The following SYMPK variants were observed in gnomAD, a reference collection of about 807,000 sequenced individuals.
SYMPK encodes symplekin scaffold protein.
SYMPK carries 49 observed loss-of-function variants against 136.4 expected under a neutral mutation model. That is an observed-to-expected ratio of 0.36 (90% CI 0.29 to 0.46). The LOEUF (loss-of-function observed/expected upper bound fraction) is 0.46, where lower values mean the gene tolerates loss of function less well. Among genes scored for constraint, SYMPK ranks in the 20% least tolerant of loss-of-function variants. SYMPK has a pLI of 1.00. For synonymous variants in SYMPK, 766 were observed against 713.0 expected (o/e 1.07, Z -1.19); for missense variants, 1,365 against 1,690.0 (o/e 0.81, Z 3.37).
In SYMPK at chr19:45,831,426, G is replaced by A; in HGVS notation, c.1556C>T (p.Ala519Val). 1 of 1,600,874 alleles carries A rather than the reference G, an allele frequency of 6.2e-7. No homozygotes were observed. The highest frequency in any genetic ancestry group is 8.5e-7 in the Non-Finnish European group (1 of 1,173,682). Residue 519 changes from alanine (A) to valine (V), a missense_variant, in exon 12 of 27, where the codon GCC (alanine) becomes GTC (valine). Transcript: ENST00000245934. ...MSPLEEEAPQ[A>V]KRRPEPIIPV... ...GATAATGGGCTCTGGCCTCCTCTTG[G>A]CCTGCGGTGCCTCTTCCTCCAGGGG...
chr19:45,816,174 C>G lies in SYMPK; in HGVS notation c.3364G>C (p.Glu1122Gln). The stretch of plus-strand genomic sequence containing the variant: ...GGGGCCGGGGCCAAGGTCAGGGGCT[C>G]CAGATCATCCTGGGGATAGGGAGGG... ...PAGPLEEDDL[E>Q]PLTLAPAPAP... The change falls in exon 26 of 27, where the codon GAG (glutamate) becomes CAG (glutamine). Residue 1122 changes from glutamate to glutamine, a missense_variant. Around this residue, in one of 11 missense-constraint regions of SYMPK, gnomAD observed 341 missense variants for 270.5 expected, o/e 1.26. Coordinates refer to ENST00000245934, the MANE Select transcript of SYMPK (RefSeq NM_004819.3). 2 of 1,536,604 alleles carry G rather than the reference C, an allele frequency of 1.3e-6. No homozygotes were observed. The highest frequency in any genetic ancestry group is 1.8e-6 in the Non-Finnish European group (2 of 1,138,952).
chr19:45,859,833 G>A (rs1022518234), intron 1 of SYMPK, among the ~76,000 whole-genome samples: 2 of 151,516 alleles, frequency 1.3e-5, no homozygotes, highest in Non-Finnish European at 2.9e-5. Context: ...CTTGAGGCCA[G>A]GAGTTTGAAA....
intron 11 of SYMPK, among the ~76,000 whole-genome samples, chr19:45,832,430 C>T (rs1266857437): frequency 6.6e-6 from 1 of 152,090 alleles, no homozygotes; most frequent in East Asian, 1.9e-4. Context: ...GTGTGAGCCA[C>T]CACACCCAGC....
chr19:45,822,390 T>C (rs1245531287), intron 21 of SYMPK, among the ~76,000 whole-genome samples: 3 of 152,160 alleles, frequency 2.0e-5, no homozygotes, highest in East Asian at 3.9e-4. Flanking sequence ...TTGTTTCTTT[T>C]TGACTGTGTC....
Position 45,863,097 on chromosome 19 carries a change from G to T in SYMPK, c.-52C>A. The T allele has an allele frequency of 2.5e-6, 1 of 403,382 alleles. No homozygotes were observed. Among genetic ancestry groups the T allele is most frequent in the Non-Finnish European group, 4.4e-6 (1 of 228,276 alleles). The allele number at this position is 403,382 out of a possible 1,614,324, so 25.0% of individuals were successfully genotyped here. ...CCGTTCCCCTCGCGCCCCCTCAGCA[G>T]TGCCTCTTCCTACACTCCGCCGCCG... On this transcript the variant is annotated 5_prime_UTR_variant, in exon 1 of 27. It adds an upstream start codon to the 5' untranslated region. Coordinates refer to ENST00000245934, the MANE Select transcript of SYMPK (RefSeq NM_004819.3).
At position 45,821,298 on chromosome 19, in the gene SYMPK, G is replaced by C; in HGVS notation, c.2893+86C>G. The C allele has an allele frequency of 9.9e-7, 1 of 1,008,554 alleles. No individual in the cohort carries two copies. The highest frequency in any genetic ancestry group is 1.6e-6 in the Non-Finnish European group (1 of 636,830). 62.5% of individuals were successfully genotyped at this position (1,008,554 alleles called of 1,614,324 possible). On this transcript the variant is annotated intron_variant, in intron 22 of 26. Coordinates refer to ENST00000245934, the MANE Select transcript of SYMPK (RefSeq NM_004819.3). The surrounding 1 kb of genome is among the most constrained non-coding windows in gnomAD (Gnocchi z 4.4). The stretch of plus-strand genomic sequence containing the variant: ...GTGAGTGACAGTCTTTGACTTGGCA[G>C]ATTCCAGTGGGGGCATGTGGGTGAC...
At chr19:45,852,773 A>T (rs1323234220) in intron 3 of SYMPK, among the ~76,000 whole-genome samples, 2 of 152,158 alleles carry the variant, frequency 1.3e-5, no homozygotes, top group Non-Finnish European at 2.9e-5. Context: ...GGATGTTAGG[A>T]GGCTACAATG....
At position 45,817,255 on chromosome 19, in the gene SYMPK, C is replaced by T. The variant is rs565460958; in HGVS notation, c.3082-281G>A. The T allele has an allele frequency of 5.6e-5, 24 of 431,754 alleles. 1 individual carries two copies. The East Asian group carries it at 1.2e-3, about 21-fold the overall frequency. 26.7% of individuals were successfully genotyped at this position (431,754 alleles called of 1,614,324 possible). A position where few individuals can be genotyped will look rare whatever the true frequency, so the allele number is the denominator to read the frequency against. On this transcript the variant is annotated intron_variant, in intron 23 of 26. Coordinates refer to ENST00000245934, the MANE Select transcript of SYMPK (RefSeq NM_004819.3). ...GCCCAGGCTAAGTGCTGCGGGAGCA[C>T]CTCTCATGACATTCTCACGGCAGCC...
intron 10 of SYMPK, among the ~76,000 whole-genome samples, chr19:45,836,171 G>C (rs960342778): frequency 1.1e-4 from 16 of 150,822 alleles, no homozygotes; most frequent in Admixed American, 9.9e-4. Context: ...AACCTCTGCC[G>C]CCTGGGTTCA....
intron 20 of SYMPK, 24 bp downstream of exon 20, chr19:45,823,348 A>G (rs1243343534): frequency 2.5e-6 from 4 of 1,611,126 alleles, no homozygotes; most frequent in Admixed American, 1.7e-5. Context: ...GGTAGCAGGG[A>G]CAAACAGGCC....
intron 3 of SYMPK, among the ~76,000 whole-genome samples, chr19:45,853,627 A>G (rs543225677): frequency 9.2e-5 from 14 of 151,918 alleles, no homozygotes; most frequent in Non-Finnish European, 2.1e-4. Flanking sequence ...AAAAAAAAAA[A>G]AAGAGATGCT....
rs375117453 is a variant in SYMPK at position 45,831,449 on chromosome 19, G to C, written c.1533C>G (p.Pro511=). Residue 511 remains proline (P), a synonymous_variant, in exon 12 of 27, where the codon CCC becomes CCG. Transcript: ENST00000245934. ...SVVGSLSSMS[P]LEEEAPQAKR... is the part of the protein sequence containing the mutation. ...TGGCCTGCGGTGCCTCTTCCTCCAG[G>C]GGGGACATGGAGCTCAGGGAACCCA... The C allele has an allele frequency of 6.8e-6, 11 of 1,608,252 alleles. No homozygotes were observed. Among genetic ancestry groups the C allele is most frequent in the East Asian group, 6.7e-5 (3 of 44,720 alleles).
At position 45,818,000 on chromosome 19, in the gene SYMPK, C is replaced by A; in HGVS notation, c.3040G>T (p.Gly1014Cys). The change falls in exon 23 of 27, where the codon GGC becomes TGC. Residue 1014 changes from glycine (G) to cysteine (C), a missense_variant. Physicochemically the swap from Gly to Cys is radical, Grantham distance 159 (BLOSUM62 -3). Around this residue, in one of 11 missense-constraint regions of SYMPK, gnomAD observed 156 missense variants for 217.8 expected, o/e 0.72. Coordinates refer to ENST00000245934, the MANE Select transcript of SYMPK (RefSeq NM_004819.3). ...CGGGACAGGATGTTCATGACGAAGC[C>A]CCCCAGGCGGGGGTACATGGTCAGG... ...QSLTMYPRLG[G>C]FVMNILSRLI... 2 of 1,581,724 alleles carry A rather than the reference C, an allele frequency of 1.3e-6. No individual in the cohort carries two copies. Among genetic ancestry groups the A allele is most frequent in the South Asian group, 1.2e-5 (1 of 86,798 alleles).
At chr19:45,822,212 G>A (rs981955703) in intron 21 of SYMPK, among the ~76,000 whole-genome samples, 9 of 146,114 alleles carry the variant, frequency 6.2e-5, no homozygotes, top group East Asian at 2.0e-4. Flanking sequence ...TCCGCCTCCC[G>A]GGTTCATGCC....
chr19:45,837,624 A>AG (rs1490740213), intron 10 of SYMPK, among the ~76,000 whole-genome samples: 2 of 151,250 alleles, frequency 1.3e-5, no homozygotes, highest in African/African-American at 4.9e-5. Context: ...CTCAAAAAAA[A>AG]AAAAAAAAAA....
Position 45,842,311 on chromosome 19 carries a change from G to A in SYMPK, c.1026C>T (p.Ser342=), listed in dbSNP as rs1483500982. The A allele has an allele frequency of 2.5e-6, 4 of 1,614,064 alleles. No individual in the cohort carries two copies. The East Asian group carries it at 8.9e-5, about 36-fold the overall frequency. ...QAEIARNMPS[S]KDTRKRPRDD... is the part of the protein sequence containing the mutation. ...CGCGGGGCCGCTTGCGGGTGTCCTT[G>A]CTGCTCGGCATGTTGCGGGCGATCT... Residue 342 remains serine, a synonymous_variant, in exon 9 of 27, where the codon AGC becomes AGT. Transcript: ENST00000245934.
At chr19:45,861,668 C>T (rs1377338085) in intron 1 of SYMPK, among the ~76,000 whole-genome samples, 1 of 151,174 alleles carries the variant, frequency 6.6e-6, no homozygotes, top group Non-Finnish European at 1.5e-5. Context: ...ACCTGGAAGG[C>T]AGAGGTTGCA....
chr19:45,815,429 TTTTTC>T lies in SYMPK; in HGVS notation c.*126_*130del. 9.4e-7 allele frequency: 1 copy of T among 1,068,552 alleles called. No individual in the cohort carries two copies. The highest frequency in any genetic ancestry group is 1.3e-6 in the Non-Finnish European group (1 of 774,726). The allele number at this position is 1,068,552 out of a possible 1,614,324, so 66.2% of individuals were successfully genotyped here. A position where few individuals can be genotyped will look rare whatever the true frequency, so the allele number is the denominator to read the frequency against. ...GCCCCAGGCCCGCCATCCCTTTTTT[TTTTTC>T]TTTTCAGTAACTTGCCCAAGTTCAC... On this transcript the variant is annotated 3_prime_UTR_variant, in exon 27 of 27. Coordinates refer to ENST00000245934, the MANE Select transcript of SYMPK (RefSeq NM_004819.3).
rs767879673 is a variant in SYMPK at position 45,829,150 on chromosome 19, G to A, written c.1805C>T (p.Ala602Val). The A allele has an allele frequency of 1.4e-5, 23 of 1,614,186 alleles. No homozygotes were observed. Among genetic ancestry groups the A allele is most frequent in the East Asian group, 2.2e-5 (1 of 44,880 alleles). Residue 602 changes from alanine (A) to valine (V), a missense_variant, in exon 14 of 27, where the codon GCG becomes GTG. Ala to Val is a moderately conservative substitution (Grantham distance 64, BLOSUM62 0). Coordinates refer to ENST00000245934, the MANE Select transcript of SYMPK (RefSeq NM_004819.3). ...CTCCAGGATGAAGGACAGGACCTCC[G>A]CCTTCAGGCCCGAGTTGAACTGTGT... is the stretch of plus-strand genomic sequence containing the variant. ...LVTQFNSGLKAEVLSFILEDV... is the reference protein window; with the variant it reads ...LVTQFNSGLKVEVLSFILEDV...
Sources: gnomAD v4.1 joint callset for allele counts (sites outside exome capture counted in the v4.1 genomes callset) on GRCh38, gnomAD v4.1.1 for gene constraint, gnomAD v4.1.1 regional missense constraint, Gnocchi (gnomAD v3.1) non-coding constraint, MANE v1.5 for transcripts, NCBI Gene and HGNC (gene_info 2026-07-23, HGNC 2026-07-21) for gene names.